Variants in TPM4 observed in about 807,000 individuals in gnomAD.
The protein encoded by TPM4 is tropomyosin 4, also known as tropomyosin alpha-4 chain.
A neutral mutation model predicts 35.8 loss-of-function variants in TPM4; 17 were observed. The ratio of observed to expected loss-of-function variants is 0.47; its 90% confidence interval spans 0.32 to 0.71. The LOEUF is 0.71. TPM4 is among the 30% of genes least tolerant of loss of function. The probability of loss-of-function intolerance (pLI) is 0.03; values close to 1 mark genes in which losing one functional copy is unlikely to be tolerated. For synonymous variants in TPM4, 120 were observed against 122.9 expected (o/e 0.98, Z 0.15); for missense variants, 240 against 320.9 (o/e 0.75, Z 1.93).
At chr19:16,078,830 T>TAAAAAAA (rs55714667) in intron 1 of TPM4, among the ~76,000 whole-genome samples, 1 of 126,394 alleles carries the variant, frequency 7.9e-6, no homozygotes, top group Non-Finnish European at 1.7e-5. Flanking sequence ...AGGGGTGGGT[T>TAAAAAAA]AAAAAAAAAA....
chr19:16,074,886 G>GT (rs1483450078), upstream of TPM4: 1 of 152,262 alleles, frequency 6.6e-6, no homozygotes, highest in African/African-American at 2.4e-5. Context: ...GAGGTCAGGA[G>GT]TTTGAGACCT....
intron 2 of TPM4, among the ~76,000 whole-genome samples, chr19:16,071,315 G>A (rs1191927485): frequency 6.6e-6 from 1 of 152,170 alleles, no homozygotes; most frequent in Non-Finnish European, 1.5e-5. Context: ...TCCCACCTCA[G>A]CCTCCCCAGT....
chr19:16,102,403 C>T lies in TPM4; in HGVS notation c.*1057C>T. On this transcript the variant is annotated 3_prime_UTR_variant, in exon 8 of 8. Coordinates refer to ENST00000643579, the MANE Select transcript of TPM4 (RefSeq NM_003290.3). ...TGTCTCATTCCAGTAATGACCCACTCAGCAGGAATATGGTGGAGTTCAGTC... is the reference window on the plus strand; with the variant it reads ...TGTCTCATTCCAGTAATGACCCACTTAGCAGGAATATGGTGGAGTTCAGTC... 1 of 219,258 alleles carries T rather than the reference C, an allele frequency of 4.6e-6. No individual in the cohort carries two copies. The highest frequency in any genetic ancestry group is 9.2e-6 in the Non-Finnish European group (1 of 108,858). The allele number at this position is 219,258 out of a possible 1,614,324, so 13.6% of individuals were successfully genotyped here.
intron 3 of TPM4, among the ~76,000 whole-genome samples, chr19:16,087,506 G>A (rs992797944): frequency 1.3e-5 from 2 of 152,186 alleles, no homozygotes; most frequent in African/African-American, 4.8e-5. Flanking sequence ...GAACCCAGGA[G>A]GCAGAGGTTG....
Position 16,088,850 on chromosome 19 carries a change from G to A in TPM4, c.456-195G>A, listed in dbSNP as rs368332042. 6.8e-4 allele frequency: 938 copies of A among 1,385,280 alleles called. 2 individuals carry two copies. The African/African-American group carries it at 0.01, about 15-fold the overall frequency. The allele number at this position is 1,385,280 out of a possible 1,614,324, so 85.8% of individuals were successfully genotyped here. On this transcript the variant is annotated intron_variant, in intron 4 of 7. Transcript: ENST00000643579. ...TTCGGGCGCACCTCGCCTCTGCCTG[G>A]TATGATAAGCCTTTGATAAGCCCAT...
At chr19:16,087,711 T>A (rs145588948) in intron 3 of TPM4, among the ~76,000 whole-genome samples, 192 of 152,014 alleles carry the variant, frequency 1.3e-3, no homozygotes, top group African/African-American at 4.5e-3. Context: ...TGAAACCCCA[T>A]CTCGACTGAA....
intron 2 of TPM4, among the ~76,000 whole-genome samples, chr19:16,085,889 C>T (rs1014205970): frequency 4.6e-5 from 7 of 151,484 alleles, no homozygotes; most frequent in African/African-American, 1.7e-4. Flanking sequence ...GCCAACATGG[C>T]GAAACCCCCT....
intron 3 of TPM4, among the ~76,000 whole-genome samples, chr19:16,086,839 T>C (rs901662529): frequency 2.0e-5 from 3 of 152,112 alleles, no homozygotes; most frequent in Admixed American, 2.0e-4. Context: ...TCCCAAGCCA[T>C]GGAGTTTCAG....
upstream of TPM4, chr19:16,076,344 G>A (rs1960486927): frequency 6.8e-7 from 1 of 1,475,872 alleles, no homozygotes. Context: ...GCTGTGGCCA[G>A]CGGTGCCGAC....
intron 7 of TPM4, among the ~76,000 whole-genome samples, chr19:16,096,833 C>T (rs2090703617): frequency 1.3e-5 from 2 of 149,488 alleles, no homozygotes; most frequent in South Asian, 4.2e-4. Flanking sequence ...TTAGTTATAA[C>T]AGGAACCTTG....
At chr19:16,069,741 T>C (rs2090337750) in intron 2 of TPM4, among the ~76,000 whole-genome samples, 3 of 148,538 alleles carry the variant, frequency 2.0e-5, no homozygotes, top group South Asian at 4.2e-4. Context: ...TGTGTTTCTA[T>C]TGGGGGGTGT....
upstream of TPM4, among the ~76,000 whole-genome samples, chr19:16,072,885 C>A (rs577546607): frequency 6.6e-6 from 1 of 152,308 alleles, no homozygotes; most frequent in South Asian, 2.1e-4. Context: ...CCAGCCTAGG[C>A]AACAGAGCAA....
At chr19:16,083,674 G>A (rs1019444052) in intron 2 of TPM4, among the ~76,000 whole-genome samples, 5 of 151,742 alleles carry the variant, frequency 3.3e-5, no homozygotes, top group Admixed American at 2.0e-4. Context: ...TGATCATCGC[G>A]TCTGCCCCTC....
chr19:16,099,031 C>G (rs1286003156), intron 7 of TPM4, among the ~76,000 whole-genome samples: 1 of 151,806 alleles, frequency 6.6e-6, no homozygotes, highest in Non-Finnish European at 1.5e-5. Flanking sequence ...GGTCACTGAT[C>G]TGTCTGATAG....
In TPM4 at chr19:16,088,034, G is replaced by C; in HGVS notation, c.392G>C (p.Arg131Pro). ...EADRKYEEVA[R>P]KLVILEGELE... ...GCCTTTCTGTCTCTGCAGGTAGCTC[G>C]TAAGCTGGTCATCCTGGAGGGTGAG... The change falls in exon 4 of 8, where the codon CGT (arginine) becomes CCT (proline). Residue 131 changes from arginine (R) to proline (P), a missense_variant. Arg to Pro is a moderately radical substitution (Grantham distance 103). Transcript: ENST00000643579. 4 of 1,611,314 alleles carry C rather than the reference G, an allele frequency of 2.5e-6. No homozygotes were observed. Among genetic ancestry groups the C allele is most frequent in the Non-Finnish European group, 3.4e-6 (4 of 1,179,208 alleles).
rs2090585736 is a variant in TPM4 at position 16,088,424 on chromosome 19, G to A, written c.455+327G>A. On this transcript the variant is annotated intron_variant, in intron 4 of 7. Coordinates refer to ENST00000643579, the MANE Select transcript of TPM4 (RefSeq NM_003290.3). ...GGCTGTGCCATCTTAACAGAACACTGACCTGCTCCAGAAGGCAGGCTCCCC... is the reference window on the plus strand; with the variant it reads ...GGCTGTGCCATCTTAACAGAACACTAACCTGCTCCAGAAGGCAGGCTCCCC... 8.5e-6 allele frequency: 10 copies of A among 1,173,568 alleles called. 1 individual carries two copies. In the South Asian group the frequency reaches 1.7e-4, roughly 19 times the overall value. The allele number at this position is 1,173,568 out of a possible 1,614,324, so 72.7% of individuals were successfully genotyped here.
chr19:16,078,833 A>T (rs1267776906), intron 1 of TPM4, among the ~76,000 whole-genome samples: 1 of 149,574 alleles, frequency 6.7e-6, no homozygotes, highest in African/African-American at 2.5e-5. Flanking sequence ...GGTGGGTTAA[A>T]AAAAAAAAAA....
At chr19:16,072,646 G>T (rs1052575589), upstream of TPM4, among the ~76,000 whole-genome samples, 5 of 152,160 alleles carry the variant, frequency 3.3e-5, no homozygotes, top group Non-Finnish European at 5.9e-5. Context: ...GCCAGGCATA[G>T]TGGCTCACAC....
At position 16,080,059 on chromosome 19, in the gene TPM4, G is replaced by GA. The variant is rs2090464152; in HGVS notation, c.133-1849dup. On this transcript the variant is annotated intron_variant, in intron 1 of 7. Coordinates refer to ENST00000643579, the MANE Select transcript of TPM4 (RefSeq NM_003290.3). ...AGGGATTCTTCATTTGTTCTGATAG[G>GA]AAAAAGCTAGCGTGGCTTCCCTTTT... 2.1e-5 allele frequency: 4 copies of GA among 187,720 alleles called. No individual in the cohort carries two copies. The Admixed American group carries it at 2.5e-4, about 12-fold the overall frequency. 11.6% of individuals were successfully genotyped at this position (187,720 alleles called of 1,614,324 possible).
Sources: allele counts gnomAD v4.1 joint callset (sites outside exome capture counted in the v4.1 genomes callset), GRCh38; gene constraint gnomAD v4.1.1; transcripts MANE v1.5; gene names NCBI Gene and HGNC (gene_info 2026-07-23, HGNC 2026-07-21).